Variants in NCKAP5L observed in about 807,000 individuals in gnomAD.
NCKAP5L encodes nck-associated protein 5-like.
NCKAP5L carries 54 observed loss-of-function variants against 103.2 expected under a neutral mutation model. The ratio of observed to expected loss-of-function variants is 0.52; its 90% CI spans 0.42 to 0.66. NCKAP5L has a LOEUF of 0.66. Ranked by LOEUF, NCKAP5L falls within the 30% of genes least tolerant of loss-of-function variation. The pLI, the probability that NCKAP5L is intolerant of heterozygous loss-of-function variation, is 0.00. For missense variants in NCKAP5L, 1,733 were observed against 1,750.6 expected (o/e 0.99, Z 0.18); for synonymous variants, 762 against 748.6 (o/e 1.02, Z -0.29).
At chr12:49,817,390 G>C (rs1332127199) in intron 1 of NCKAP5L, among the ~76,000 whole-genome samples, 1 of 151,892 alleles carries the variant, frequency 6.6e-6, no homozygotes, top group Non-Finnish European at 1.5e-5. Context: ...AAACAATAGA[G>C]GTTAAAATCC....
chr12:49,806,619 G>A (rs1439164257), intron 1 of NCKAP5L, among the ~76,000 whole-genome samples: 5 of 152,260 alleles, frequency 3.3e-5, no homozygotes, highest in African/African-American at 1.2e-4. Flanking sequence ...CTGGGGCAGA[G>A]GATATTGCCC....
intron 1 of NCKAP5L, among the ~76,000 whole-genome samples, chr12:49,816,707 G>A (rs1429069490): frequency 1.3e-5 from 2 of 151,402 alleles, no homozygotes; most frequent in Non-Finnish European, 2.9e-5. Context: ...TGAGGCAGAA[G>A]AATTGCTTGA....
At chr12:49,803,725 G>A (rs7978693) in intron 3 of NCKAP5L, among the ~76,000 whole-genome samples, 197 bp downstream of exon 3, 37,338 of 152,126 alleles carry the variant, frequency 0.25, 5,521 homozygotes, top group South Asian at 0.37. Context: ...TCACTGGGCC[G>A]GGCAGCTAAG....
Position 49,810,305 on chromosome 12 carries a change from C to T in NCKAP5L, c.-98-4264G>A, listed in dbSNP as rs146655905. ...CCACTCCCAAAAGTCCAGCCCAGGCCGTCCTAGCCCAGCCGAGGGTACTGG... is the reference window on the plus strand; with the variant it reads ...CCACTCCCAAAAGTCCAGCCCAGGCTGTCCTAGCCCAGCCGAGGGTACTGG... On this transcript the variant is annotated intron_variant, in intron 1 of 12. Transcript: ENST00000335999. 2.2e-3 allele frequency among the ~76,000 whole-genome samples: 337 copies of T among 152,332 alleles called. 4 individuals are homozygous for T. Among genetic ancestry groups the T allele is most frequent in the African/African-American group, 7.6e-3 (317 of 41,572 alleles).
intron 1 of NCKAP5L, among the ~76,000 whole-genome samples, chr12:49,809,703 G>A (rs1337970901): frequency 1.3e-5 from 2 of 152,134 alleles, no homozygotes; most frequent in Non-Finnish European, 2.9e-5. Context: ...GCCCTGGGCT[G>A]CTGAGGAGTG....
chr12:49,807,882 T>A (rs980109395), intron 1 of NCKAP5L, among the ~76,000 whole-genome samples: 36 of 151,808 alleles, frequency 2.4e-4, no homozygotes, highest in Admixed American at 1.8e-3. Flanking sequence ...GAGAAAAAAG[T>A]TGGGAGGGTG....
At chr12:49,802,034 T>TC in intron 5 of NCKAP5L, 67 bp from the exon 6 acceptor site, 1 of 1,585,632 alleles carries the variant, frequency 6.3e-7, no homozygotes, top group Middle Eastern at 1.7e-4. Flanking sequence ...ACAGTGCTCT[T>TC]CATCAGAGCA....
chr12:49,802,875 C>T, intron 5 of NCKAP5L, 83 bp downstream of exon 5: 1 of 1,462,566 alleles, frequency 6.8e-7, no homozygotes, highest in South Asian at 1.3e-5. Context: ...GGCAACAGCC[C>T]ATGTCCTCCA....
chr12:49,825,339 G>C (rs139775380), intron 1 of NCKAP5L, among the ~76,000 whole-genome samples: 107 of 152,352 alleles, frequency 7.0e-4, no homozygotes, highest in African/African-American at 2.5e-3. Context: ...GGTTGTCGAA[G>C]GAGACAGTGA....
At position 49,792,063 on chromosome 12, in the gene NCKAP5L, G is replaced by T; in HGVS notation, c.3793-12C>A. 6.6e-7 allele frequency: 1 copy of T among 1,516,824 alleles called. No individual in the cohort carries two copies. Among genetic ancestry groups the T allele is most frequent in the Non-Finnish European group, 8.8e-7 (1 of 1,137,852 alleles). 94.0% of individuals were successfully genotyped at this position (1,516,824 alleles called of 1,614,324 possible). ...TCCACGGGCAGGGCCTGGGAAAGGA[G>T]GGGCAGCTCGGGAGGAAGCTCCTCT... On this transcript the variant is annotated splice_polypyrimidine_tract_variant and intron_variant, in intron 12 of 12. Coordinates refer to ENST00000335999, the MANE Select transcript of NCKAP5L (RefSeq NM_001037806.4). This position sits in a 1 kb window ranked among gnomAD's most constrained non-coding sequence, Gnocchi z 4.5.
Position 49,794,878 on chromosome 12 carries a change from C to T in NCKAP5L, c.2982G>A (p.Arg994=), listed in dbSNP as rs1426569075. The T allele has an allele frequency of 2.0e-6, 3 of 1,501,846 alleles. No individual in the cohort carries two copies. Among genetic ancestry groups the T allele is most frequent in the African/African-American group, 2.8e-5 (2 of 71,106 alleles). The allele number at this position is 1,501,846 out of a possible 1,614,324, so 93.0% of individuals were successfully genotyped here. A position where few individuals can be genotyped will look rare whatever the true frequency, so the allele number is the denominator to read the frequency against. ...EEKAYLSSRA[R]PRPGGPAPGP... Reference sequence around the variant, plus strand: ...CTGGGGCTGGGCCACCAGGCCGTGGCCGGGCCCGGCTGCTTAGGTAGGCCT... The same window carrying T: ...CTGGGGCTGGGCCACCAGGCCGTGGTCGGGCCCGGCTGCTTAGGTAGGCCT... Residue 994 remains arginine, a synonymous_variant, in exon 8 of 13, where the codon CGG becomes CGA. Transcript: ENST00000335999.
chr12:49,796,072 C>T lies in NCKAP5L; in HGVS notation c.1788G>A (p.Glu596=), dbSNP rs539487522. The T allele has an allele frequency of 6.3e-7, 1 of 1,594,646 alleles. No homozygotes were observed. The highest frequency in any genetic ancestry group is 1.1e-5 in the South Asian group (1 of 88,006). The change falls in exon 8 of 13, where the codon GAG becomes GAA. Residue 596 remains glutamate, a synonymous_variant. Coordinates refer to ENST00000335999, the MANE Select transcript of NCKAP5L (RefSeq NM_001037806.4). ...QLTLEVPQAP[E]VLRSPGVPPS... Reference sequence around the variant, plus strand: ...GGGGTACTCCAGGGCTTCTGAGGACCTCAGGGGCCTGTGGTACCTCCAGAG... The same window carrying T: ...GGGGTACTCCAGGGCTTCTGAGGACTTCAGGGGCCTGTGGTACCTCCAGAG...
At chr12:49,806,757 TC>T (rs1946185250) in intron 1 of NCKAP5L, among the ~76,000 whole-genome samples, 1 of 152,202 alleles carries the variant, frequency 6.6e-6, no homozygotes. Flanking sequence ...GCCCTAAGGC[TC>T]CCTGGAGGCT....
chr12:49,820,681 A>G (rs1234780321), intron 1 of NCKAP5L, among the ~76,000 whole-genome samples: 3 of 152,116 alleles, frequency 2.0e-5, no homozygotes, highest in African/African-American at 4.8e-5. Context: ...TTCTGCACTC[A>G]AGCAACTCCA....
At chr12:49,811,632 G>A (rs922444331) in intron 1 of NCKAP5L, among the ~76,000 whole-genome samples, 46 of 145,646 alleles carry the variant, frequency 3.2e-4, no homozygotes, top group African/African-American at 1.2e-3. Context: ...CTTCTCGTTG[G>A]GCACAGTGGC....
chr12:49,801,965 G>T lies in NCKAP5L; in HGVS notation c.234C>A (p.Asp78Glu). The change falls in exon 6 of 13, where the codon GAC becomes GAA. Residue 78 changes from aspartate to glutamate, a missense_variant and splice_region_variant. By Grantham distance (45) the Asp-to-Glu change is conservative. Transcript: ENST00000335999. ...HVVQALLNQK[D>E]LREECIKLKK... Reference sequence around the variant, plus strand: ...TCAGCTTGATGCACTCCTCTCGCAGGTCCTGCCGCCCACCCCGGGAAGTGC... The same window carrying T: ...TCAGCTTGATGCACTCCTCTCGCAGTTCCTGCCGCCCACCCCGGGAAGTGC... The T allele has an allele frequency of 6.2e-7, 1 of 1,613,746 alleles. No individual in the cohort carries two copies. Among genetic ancestry groups the T allele is most frequent in the Non-Finnish European group, 8.5e-7 (1 of 1,179,810 alleles).
At position 49,792,312 on chromosome 12, in the gene NCKAP5L, G is replaced by C; in HGVS notation, c.3792+134C>G. 6.6e-7 allele frequency: 1 copy of C among 1,525,850 alleles called. No homozygotes were observed. Among genetic ancestry groups the C allele is most frequent in the Non-Finnish European group, 8.8e-7 (1 of 1,131,874 alleles). The allele number at this position is 1,525,850 out of a possible 1,614,324, so 94.5% of individuals were successfully genotyped here. ...GGAGGGCCGCTCACAGGGCATCCCA[G>C]GGGTCCTCCTCCCAGAGGGTGCAGC... On this transcript the variant is annotated intron_variant, in intron 12 of 12. Transcript: ENST00000335999. The surrounding 1 kb of genome is among the most constrained non-coding windows in gnomAD (Gnocchi z 4.5).
chr12:49,795,221 T>C lies in NCKAP5L; in HGVS notation c.2639A>G (p.His880Arg). 1 of 1,568,820 alleles carries C rather than the reference T, an allele frequency of 6.4e-7. No individual in the cohort carries two copies. The highest frequency in any genetic ancestry group is 2.2e-5 in the East Asian group (1 of 44,500). Reference sequence around the variant, plus strand: ...CATCACCTTCTCCTCGATGGCTGAGTGTGGGGCCAGCCCCTCAGGGCCCTG... The same window carrying C: ...CATCACCTTCTCCTCGATGGCTGAGCGTGGGGCCAGCCCCTCAGGGCCCTG... ...PSQGPEGLAP[H>R]SAIEEKVMKG... The change falls in exon 8 of 13, where the codon CAC becomes CGC. Residue 880 changes from histidine to arginine, a missense_variant. Transcript: ENST00000335999.
chr12:49,793,554 G>T, intron 9 of NCKAP5L, 121 bp from the exon 10 acceptor site: 2 of 1,250,210 alleles, frequency 1.6e-6, no homozygotes, highest in African/African-American at 1.5e-5. Context: ...GGGCCCAGGA[G>T]TATGGATCTG....
Sources: allele counts gnomAD v4.1 joint callset (sites outside exome capture counted in the v4.1 genomes callset), GRCh38; gene constraint gnomAD v4.1.1; non-coding constraint Gnocchi (gnomAD v3.1); transcripts MANE v1.5; gene names NCBI Gene and HGNC (gene_info 2026-07-23, HGNC 2026-07-21).